LRRC4C: variants seen among roughly 807,000 people sequenced by gnomAD.
LRRC4C encodes leucine rich repeat containing 4C.
LRRC4C carries 5 observed loss-of-function variants against 33.6 expected under a neutral mutation model. The ratio of observed to expected loss-of-function variants is 0.15; its 90% CI spans 0.08 to 0.31. The LOEUF (loss-of-function observed/expected upper bound fraction) is 0.31. Ranked by LOEUF, LRRC4C falls within the 10% of genes least tolerant of loss-of-function variation. The pLI, the probability that LRRC4C is intolerant of heterozygous loss-of-function variation, is 1.00. For synonymous variants in LRRC4C, 329 were observed against 302.0 expected (o/e 1.09, Z -0.93); for missense variants, 560 against 796.7 (o/e 0.70, Z 3.58).
In LRRC4C at chr11:40,204,088, G is replaced by A. The variant is rs1862968878; in HGVS notation, c.-96+37431C>T. On this transcript the variant is annotated intron_variant, in intron 5 of 6. Transcript: ENST00000528697. ...CAGGTGTGTACCACCATGCCTGGCT[G>A]ATATTTTGTAGAGATGGGTGGTGGG... Among the ~76,000 whole-genome samples the A allele has an allele frequency of 3.3e-5, 5 of 151,974 alleles. No individual in the cohort carries two copies. In the South Asian group the frequency reaches 1.0e-3, roughly 32 times the overall value.
intron 3 of LRRC4C, among the ~76,000 whole-genome samples, chr11:40,607,761 G>A (rs1960777400): frequency 1.3e-5 from 2 of 152,120 alleles, no homozygotes; most frequent in South Asian, 2.1e-4. Context: ...GAGGCAGAAT[G>A]TCTAATTGAG....
chr11:40,599,270 G>A (rs1287041133), intron 3 of LRRC4C, among the ~76,000 whole-genome samples: 2 of 151,342 alleles, frequency 1.3e-5, no homozygotes, highest in South Asian at 2.1e-4. Context: ...GCAACACAGT[G>A]AGACCTATCT....
chr11:40,151,900 T>C, intron 5 of LRRC4C, among the ~76,000 whole-genome samples: 1 of 152,184 alleles, frequency 6.6e-6, no homozygotes, highest in East Asian at 1.9e-4. Flanking sequence ...ACTAAATTTT[T>C]CAGAATAATT....
intron 3 of LRRC4C, among the ~76,000 whole-genome samples, chr11:40,350,998 T>C (rs897908858): frequency 1.3e-5 from 2 of 152,146 alleles, no homozygotes; most frequent in African/African-American, 2.4e-5. Flanking sequence ...AGTTTTCAAA[T>C]TTTTCCAAAT....
At chr11:41,420,847 G>A (rs1954850775) in intron 1 of LRRC4C, among the ~76,000 whole-genome samples, 1 of 151,932 alleles carries the variant, frequency 6.6e-6, no homozygotes, top group South Asian at 2.1e-4. Context: ...ACAGTGCCTG[G>A]TACATAATAG....
Position 40,942,572 on chromosome 11 carries a change from C to T in LRRC4C, c.-495-8849G>A, listed in dbSNP as rs557224212. Among the ~76,000 whole-genome samples, 99 of 152,078 alleles carry T rather than the reference C, an allele frequency of 6.5e-4. 1 individual carries two copies. The highest frequency in any genetic ancestry group is 2.3e-3 in the African/African-American group (94 of 41,490). On this transcript the variant is annotated intron_variant, in intron 1 of 6. Transcript: ENST00000528697. Reference sequence around the variant, plus strand: ...TAGTGCACTAGAGTTGGAGCATGTACGTAAGTGTGTTGGTGTGCAGCACAC... The same window carrying T: ...TAGTGCACTAGAGTTGGAGCATGTATGTAAGTGTGTTGGTGTGCAGCACAC...
chr11:41,342,013 T>C (rs1951656159), intron 1 of LRRC4C, among the ~76,000 whole-genome samples: 1 of 152,214 alleles, frequency 6.6e-6, no homozygotes, highest in African/African-American at 2.4e-5. Context: ...TAACTTTTCA[T>C]GAACCTCACC....
intron 1 of LRRC4C, among the ~76,000 whole-genome samples, chr11:40,972,670 C>T (rs552614266): frequency 3.3e-5 from 5 of 152,130 alleles, no homozygotes; most frequent in South Asian, 4.2e-4. Context: ...AGAATGAGAG[C>T]GAAGTTGGGA....
intron 3 of LRRC4C, among the ~76,000 whole-genome samples, chr11:40,470,151 G>A (rs1285276847): frequency 1.3e-5 from 2 of 152,138 alleles, no homozygotes; most frequent in African/African-American, 4.8e-5. Context: ...GGCATCTGGT[G>A]GGTGCCCCTC....
chr11:41,338,661 C>T (rs938729870), intron 1 of LRRC4C, among the ~76,000 whole-genome samples: 6 of 151,928 alleles, frequency 3.9e-5, no homozygotes, highest in South Asian at 2.1e-4. Flanking sequence ...CTATGTAACA[C>T]GCCTGCATGT....
At chr11:40,437,335 T>G (rs1951183121) in intron 3 of LRRC4C, among the ~76,000 whole-genome samples, 1 of 152,188 alleles carries the variant, frequency 6.6e-6, no homozygotes, top group South Asian at 2.1e-4. Context: ...GTTATCCTTG[T>G]AATATGTAAG....
chr11:40,945,753 C>T (rs1490878364), intron 1 of LRRC4C, among the ~76,000 whole-genome samples: 2 of 152,130 alleles, frequency 1.3e-5, no homozygotes, highest in Non-Finnish European at 2.9e-5. Flanking sequence ...CCTGTATATT[C>T]CTGGCAGGAA....
Position 40,589,104 on chromosome 11 carries a change from G to A in LRRC4C, c.-270+59038C>T, listed in dbSNP as rs536932082. On this transcript the variant is annotated intron_variant, in intron 3 of 6. Transcript: ENST00000528697. Reference sequence around the variant, plus strand: ...TTAAAGTCTCCCATTATTAATGTGCGGGAGTCTAAGTCTCTTTGTAGGTCA... The same window carrying A: ...TTAAAGTCTCCCATTATTAATGTGCAGGAGTCTAAGTCTCTTTGTAGGTCA... Among the ~76,000 whole-genome samples the A allele has an allele frequency of 3.9e-5, 6 of 152,028 alleles. No individual in the cohort carries two copies. In the South Asian group the frequency reaches 8.3e-4, roughly 21 times the overall value.
chr11:40,292,426 C>T (rs1306246330), intron 4 of LRRC4C: 1 of 152,198 alleles, frequency 6.6e-6, no homozygotes, highest in Non-Finnish European at 1.5e-5. Flanking sequence ...GTCAACTTTT[C>T]TTCTCTGAAA....
chr11:40,592,761 A>G (rs1423186668), intron 3 of LRRC4C, among the ~76,000 whole-genome samples: 1 of 152,114 alleles, frequency 6.6e-6, no homozygotes, highest in African/African-American at 2.4e-5. Flanking sequence ...TGCACAGACT[A>G]CTTCCATGGC....
intron 2 of LRRC4C, among the ~76,000 whole-genome samples, chr11:40,820,535 T>C (rs137892809): frequency 2.0e-5 from 3 of 152,018 alleles, no homozygotes; most frequent in Admixed American, 2.0e-4. Flanking sequence ...AAATCCAAGG[T>C]TATTTCAATC....
At chr11:41,115,113 A>AT (rs1461753214) in intron 1 of LRRC4C, among the ~76,000 whole-genome samples, 9 of 152,256 alleles carry the variant, frequency 5.9e-5, no homozygotes, top group African/African-American at 2.2e-4. Context: ...TAAACATTAA[A>AT]AATGTTTTAA....
At chr11:40,314,065 C>A (rs151204103) in intron 4 of LRRC4C, among the ~76,000 whole-genome samples, 5 of 151,988 alleles carry the variant, frequency 3.3e-5, no homozygotes, top group African/African-American at 1.2e-4. Context: ...AATGAAAAGA[C>A]AACCTACAGA....
chr11:41,353,837 C>T (rs1482518548), intron 1 of LRRC4C, among the ~76,000 whole-genome samples: 1 of 151,656 alleles, frequency 6.6e-6, no homozygotes, highest in African/African-American at 2.4e-5. Flanking sequence ...TGTTAAAAAA[C>T]AAAACAACGC....
Sources: allele counts gnomAD v4.1 joint callset (sites outside exome capture counted in the v4.1 genomes callset), GRCh38; gene constraint gnomAD v4.1.1; transcripts MANE v1.5; gene names NCBI Gene and HGNC (gene_info 2026-07-23, HGNC 2026-07-21).